NCS1: variants seen among roughly 807,000 people sequenced by gnomAD.
NCS1 encodes the protein frequenin homolog.
Under a neutral mutation model 28.4 loss-of-function variants are expected in NCS1, and 6 were observed. The observed-to-expected ratio is 0.21, with a 90% CI of 0.12 to 0.42. The LOEUF is 0.42. Ranked by LOEUF, NCS1 falls within the 10% of genes least tolerant of loss-of-function variation. The probability of loss-of-function intolerance (pLI) is 1.00; values close to 1 mark genes in which losing one functional copy is unlikely to be tolerated. For missense variants in NCS1, 131 were observed against 241.4 expected (o/e 0.54, Z 3.03); for synonymous variants, 86 against 99.3 (o/e 0.87, Z 0.79).
intron 7 of NCS1, among the ~76,000 whole-genome samples, chr9:130,227,069 G>C: frequency 6.8e-6 from 1 of 147,452 alleles, no homozygotes; most frequent in South Asian, 2.2e-4. Flanking sequence ...GAAAAGAATT[G>C]TCCTGGGTGG....
intron 1 of NCS1, among the ~76,000 whole-genome samples, chr9:130,183,923 C>T (rs1832705968): frequency 6.6e-6 from 1 of 151,822 alleles, no homozygotes; most frequent in Non-Finnish European, 1.5e-5. Context: ...CATTCTCTGG[C>T]CTCAGCCTCC....
intron 2 of NCS1, among the ~76,000 whole-genome samples, chr9:130,214,130 G>A (rs933029284): frequency 6.6e-6 from 1 of 152,222 alleles, no homozygotes; most frequent in Non-Finnish European, 1.5e-5. Flanking sequence ...CCTACATTCC[G>A]GTGGGGGACT....
At position 130,186,824 on chromosome 9, in the gene NCS1, G is replaced by A. The variant is rs369896217; in HGVS notation, c.64+14097G>A. ...CAGCATAGAGGGCCTGTGGCCGTGA[G>A]GGTGCTGATGGCGGGAGGGCCCTGA... is the stretch of plus-strand genomic sequence containing the variant. On this transcript the variant is annotated intron_variant, in intron 1 of 7. Transcript: ENST00000372398. This position sits in a 1 kb window ranked among gnomAD's most constrained non-coding sequence, Gnocchi z 4.1. Among the ~76,000 whole-genome samples the A allele has an allele frequency of 2.6e-5, 4 of 152,362 alleles. No individual in the cohort carries two copies. Among genetic ancestry groups the A allele is most frequent in the African/African-American group, 9.6e-5 (4 of 41,592 alleles).
intron 7 of NCS1, among the ~76,000 whole-genome samples, chr9:130,231,440 A>T (rs1833500567): frequency 6.6e-6 from 1 of 151,652 alleles, no homozygotes; most frequent in African/African-American, 2.4e-5. Context: ...CTGGAGTGCA[A>T]TGACGTGATC....
At chr9:130,221,403 TATATATATATAGAGAG>T (rs1277775808) in intron 4 of NCS1, among the ~76,000 whole-genome samples, 436 of 42,212 alleles carry the variant, frequency 0.01, 6 homozygotes, top group African/African-American at 0.028. Context: ...TATATATATA[TATATATATATAGAGAG>T]AGAGAGAGAG....
intron 1 of NCS1, among the ~76,000 whole-genome samples, chr9:130,197,871 A>C (rs1167189832): frequency 1.3e-5 from 2 of 151,746 alleles, no homozygotes; most frequent in African/African-American, 2.4e-5. Flanking sequence ...GCTGAGGCAC[A>C]CGAGGATCAC....
At position 130,222,114 on chromosome 9, in the gene NCS1, G is replaced by A. The variant is rs370087945; in HGVS notation, c.308-536G>A. Among the ~76,000 whole-genome samples, 21 of 76,172 alleles carry A rather than the reference G, an allele frequency of 2.8e-4. 2 individuals are homozygous for A. In the South Asian group the frequency reaches 7.4e-3, roughly 27 times the overall value. The allele number at this position is 76,172 out of a possible 152,430, so 50.0% of individuals were successfully genotyped here. A position where few individuals can be genotyped will look rare whatever the true frequency, so the allele number is the denominator to read the frequency against. On this transcript the variant is annotated intron_variant, in intron 4 of 7. Coordinates refer to ENST00000372398, the MANE Select transcript of NCS1 (RefSeq NM_014286.4). ...TATGTGTGTGTGTATATATATATAC[G>A]TATATATATATGTGTATATATATAT...
At chr9:130,221,634 G>GT (rs1382937527) in intron 4 of NCS1, among the ~76,000 whole-genome samples, 2 of 145,434 alleles carry the variant, frequency 1.4e-5, no homozygotes, top group Admixed American at 1.4e-4. Flanking sequence ...GTTTCATCCT[G>GT]TTGGCCAGGC....
At chr9:130,178,708 C>T (rs1304349095) in intron 1 of NCS1, among the ~76,000 whole-genome samples, 1 of 151,972 alleles carries the variant, frequency 6.6e-6, no homozygotes, top group African/African-American at 2.4e-5. Context: ...CCGGAATGGA[C>T]TGGCGGGGAA....
At chr9:130,173,098 G>A (rs1275783454) in intron 1 of NCS1, among the ~76,000 whole-genome samples, 1 of 152,088 alleles carries the variant, frequency 6.6e-6, no homozygotes. Context: ...GCGCGGAGCC[G>A]ACTGGCACGA....
chr9:130,195,103 G>T (rs931690530), intron 1 of NCS1, among the ~76,000 whole-genome samples: 25 of 152,174 alleles, frequency 1.6e-4, no homozygotes, highest in African/African-American at 5.8e-4. Flanking sequence ...ACACTGGGCC[G>T]AGCACCAGTC....
intron 2 of NCS1, among the ~76,000 whole-genome samples, chr9:130,211,888 C>T (rs782207303): frequency 6.6e-5 from 10 of 152,134 alleles, no homozygotes; most frequent in Non-Finnish European, 1.2e-4. Context: ...CAAGGCCCAG[C>T]TGGGGGATGG....
intron 1 of NCS1, among the ~76,000 whole-genome samples, chr9:130,185,956 G>T (rs1309671076): frequency 6.6e-6 from 1 of 152,234 alleles, no homozygotes; most frequent in Non-Finnish European, 1.5e-5. Flanking sequence ...GCCTGCCTAG[G>T]TGCCCCGGCC....
intron 6 of NCS1, 121 bp downstream of exon 6, chr9:130,223,280 C>T (rs1366931888): frequency 6.0e-6 from 5 of 839,762 alleles, no homozygotes; most frequent in African/African-American, 1.7e-5. Flanking sequence ...TCACGGCAGG[C>T]GGCACGGTGT....
rs374038864 is a variant in NCS1, at chr9:130,211,352, G to A, written c.90-6480G>A. Among the ~76,000 whole-genome samples, 30 of 151,770 alleles carry A rather than the reference G, an allele frequency of 2.0e-4. 1 individual carries two copies. The East Asian group carries it at 2.9e-3, about 15-fold the overall frequency. On this transcript the variant is annotated intron_variant, in intron 2 of 7. Transcript: ENST00000372398. ...TCCTCTGGAGCCTGGAGATGCTGGG[G>A]CTGGACTCCGAGATCCTGCCCTGAA...
intron 6 of NCS1, among the ~76,000 whole-genome samples, chr9:130,223,805 AC>A (rs1231950564): frequency 2.0e-5 from 3 of 151,898 alleles, no homozygotes; most frequent in Admixed American, 6.6e-5. Flanking sequence ...AAGTTCATAG[AC>A]CTGCTGACTT....
intron 2 of NCS1, among the ~76,000 whole-genome samples, chr9:130,212,240 C>T (rs118066988): frequency 1.3e-5 from 2 of 152,094 alleles, no homozygotes; most frequent in African/African-American, 2.4e-5. Context: ...ATGCTTATGG[C>T]GGATCCCCTG....
At chr9:130,200,426 C>G in intron 1 of NCS1, 2 of 708,284 alleles carry the variant, frequency 2.8e-6, no homozygotes, top group South Asian at 1.8e-5. Flanking sequence ...TGAAAGAGCC[C>G]GGGCTGACCA....
chr9:130,193,040 C>T lies in NCS1; in HGVS notation c.65-7918C>T, dbSNP rs112631213. Reference sequence around the variant, plus strand: ...TCCCACAAGAGACCACCACCGTCTTCGCTTTGAGGAACTGCCCCTCCCCAG... The same window carrying T: ...TCCCACAAGAGACCACCACCGTCTTTGCTTTGAGGAACTGCCCCTCCCCAG... On this transcript the variant is annotated intron_variant, in intron 1 of 7. Coordinates refer to ENST00000372398, the MANE Select transcript of NCS1 (RefSeq NM_014286.4). 5.4e-3 allele frequency among the ~76,000 whole-genome samples: 816 copies of T among 152,338 alleles called. 11 individuals carry two copies. Among genetic ancestry groups the T allele is most frequent in the African/African-American group, 0.018 (752 of 41,584 alleles).
Sources: allele counts gnomAD v4.1 joint callset (sites outside exome capture counted in the v4.1 genomes callset), GRCh38; gene constraint gnomAD v4.1.1; non-coding constraint Gnocchi (gnomAD v3.1); transcripts MANE v1.5; gene names NCBI Gene and HGNC (gene_info 2026-07-23, HGNC 2026-07-21).